RNGTT: variants seen among roughly 807,000 people sequenced by gnomAD.
RNGTT encodes the protein RNA guanylyltransferase and 5'-phosphatase, also known as mRNA-capping enzyme.
In RNGTT, 33 loss-of-function variants were observed where a neutral mutation model predicts 79.3. That is an observed-to-expected ratio of 0.42 (90% CI 0.32 to 0.56). RNGTT has a LOEUF of 0.56. RNGTT is among the 20% of genes least tolerant of loss of function. The pLI is 0.17. For synonymous variants in RNGTT, 222 were observed against 235.9 expected, an observed-to-expected ratio of 0.94 and a Z score of 0.54; for missense variants, 497 against 739.1, an observed-to-expected ratio of 0.67 and a Z score of 3.80.
chr6:88,852,896 C>T (rs1381147444), intron 9 of RNGTT, among the ~76,000 whole-genome samples: 1 of 152,148 alleles, frequency 6.6e-6, no homozygotes, highest in Non-Finnish European at 1.5e-5. Context: ...TCTATATACA[C>T]AATGGTAAAC....
chr6:88,904,877 A>G lies in RNGTT; in HGVS notation c.522T>C (p.Phe174=). 6.2e-7 allele frequency: 1 copy of G among 1,614,122 alleles called. No homozygotes were observed. Among genetic ancestry groups the G allele is most frequent in the Non-Finnish European group, 8.5e-7 (1 of 1,180,022 alleles). The part of the protein sequence containing the change: ...IYKGDYLKEL[F]RRYGDIEEAP... ...CTTCCTCTATGTCACCATACCGACGAAAAAGTTCCTTCAAATAATCACCCT... is the reference window on the plus strand; with the variant it reads ...CTTCCTCTATGTCACCATACCGACGGAAAAGTTCCTTCAAATAATCACCCT... Residue 174 remains phenylalanine, a synonymous_variant, in exon 6 of 16, where the codon TTT becomes TTC. Coordinates refer to ENST00000369485, the MANE Select transcript of RNGTT (RefSeq NM_003800.5).
At chr6:88,677,979 C>CTTT (rs34263662) in intron 14 of RNGTT, 91 of 76,344 alleles carry the variant, frequency 1.2e-3, no homozygotes, top group African/African-American at 2.5e-3. Flanking sequence ...CTCACATTCA[C>CTTT]TTTTTTTTTT....
rs1009695026 is a variant in RNGTT, at chr6:88,772,275, TA to T, written c.1339-2402del. 2.7e-3 allele frequency among the ~76,000 whole-genome samples: 383 copies of T among 142,792 alleles called. 1 individual carries two copies. The highest frequency in any genetic ancestry group is 4.2e-3 in the East Asian group (21 of 5,010). The allele number at this position is 142,792 out of a possible 152,430, so 93.7% of individuals were successfully genotyped here. A position where few individuals can be genotyped will look rare whatever the true frequency, so the allele number is the denominator to read the frequency against. On this transcript the variant is annotated intron_variant, in intron 12 of 15. Coordinates refer to ENST00000369485, the MANE Select transcript of RNGTT (RefSeq NM_003800.5). ...TCTGTATACTGAACACTGATTTCTT[TA>T]AAAAAAAAAAAAGATGGAAAGACAT...
At chr6:88,882,889 AG>A (rs1388803251) in intron 8 of RNGTT, among the ~76,000 whole-genome samples, 1 of 152,216 alleles carries the variant, frequency 6.6e-6, no homozygotes, top group East Asian at 1.9e-4. Context: ...TGAACTTCCT[AG>A]CCTCCAGAAC....
chr6:88,698,937 G>A (rs545541933), intron 13 of RNGTT, among the ~76,000 whole-genome samples: 2 of 152,252 alleles, frequency 1.3e-5, no homozygotes, highest in South Asian at 2.1e-4. Context: ...AGTGCACAGC[G>A]CTGGCAATGT....
At chr6:88,892,011 G>C in intron 6 of RNGTT, 96 bp from the exon 7 acceptor site, 1 of 835,492 alleles carries the variant, frequency 1.2e-6, no homozygotes, top group Non-Finnish European at 1.8e-6. Flanking sequence ...AAATTAGTTT[G>C]TTCTCACAAA....
intron 1 of RNGTT, among the ~76,000 whole-genome samples, chr6:88,951,967 A>G (rs1785264727): frequency 6.6e-6 from 1 of 152,154 alleles, no homozygotes; most frequent in Non-Finnish European, 1.5e-5. Context: ...ATGAGCACAA[A>G]AGCTGCCCAG....
chr6:88,951,423 A>G (rs1785244919), intron 1 of RNGTT, among the ~76,000 whole-genome samples: 1 of 152,216 alleles, frequency 6.6e-6, no homozygotes, highest in Admixed American at 6.5e-5. Context: ...GGCTAAAGAA[A>G]GTTCTACCAT....
intron 4 of RNGTT, among the ~76,000 whole-genome samples, chr6:88,913,283 C>T (rs546012102): frequency 6.7e-6 from 1 of 148,764 alleles, no homozygotes; most frequent in African/African-American, 2.5e-5. Context: ...ACCAGAGATA[C>T]AAAGAAGAGC....
In RNGTT at chr6:88,704,034, C is replaced by T. The variant is rs575503506; in HGVS notation, c.1440-25615G>A. ...CAGCACTTTGGGAGGCTTAGGCGGG[C>T]GGATCACGAGGTCAGGAGATCAAGA... On this transcript the variant is annotated intron_variant, in intron 13 of 15. Transcript: ENST00000369485. Among the ~76,000 whole-genome samples, 9 of 151,902 alleles carry T rather than the reference C, an allele frequency of 5.9e-5. No individual in the cohort carries two copies. The South Asian group carries it at 1.5e-3, about 25-fold the overall frequency.
chr6:88,799,717 A>AAAG (rs1337674611), intron 12 of RNGTT, among the ~76,000 whole-genome samples: 1 of 151,260 alleles, frequency 6.6e-6, no homozygotes, highest in African/African-American at 2.4e-5. Flanking sequence ...AAAAAAAAAA[A>AAAG]AAAAAAGTAT....
chr6:88,880,915 T>C (rs930725250), intron 8 of RNGTT, among the ~76,000 whole-genome samples: 16 of 152,180 alleles, frequency 1.1e-4, no homozygotes, highest in Admixed American at 2.6e-4. Context: ...ATTATAAAAT[T>C]CTATCTTTTC....
chr6:88,730,990 G>T (rs1777094293), intron 13 of RNGTT, among the ~76,000 whole-genome samples: 3 of 152,044 alleles, frequency 2.0e-5, no homozygotes, highest in Admixed American at 1.3e-4. Flanking sequence ...CCTCCTAAAA[G>T]ACTGATATTT....
intron 13 of RNGTT, among the ~76,000 whole-genome samples, chr6:88,720,395 C>T (rs1371441373): frequency 6.6e-6 from 1 of 152,040 alleles, no homozygotes; most frequent in African/African-American, 2.4e-5. Flanking sequence ...TCCCTTTACC[C>T]TCACCTAAAC....
At chr6:88,627,526 G>C (rs892255989) in intron 14 of RNGTT, among the ~76,000 whole-genome samples, 2 of 152,082 alleles carry the variant, frequency 1.3e-5, no homozygotes, top group African/African-American at 4.8e-5. Context: ...ACAGGACAGA[G>C]AGACCTCAAG....
intron 1 of RNGTT, among the ~76,000 whole-genome samples, chr6:88,949,402 C>A (rs1785168742): frequency 6.6e-6 from 1 of 151,696 alleles, no homozygotes; most frequent in Non-Finnish European, 1.5e-5. Flanking sequence ...GCTGGGACTA[C>A]AGGTGAGCAC....
intron 13 of RNGTT, among the ~76,000 whole-genome samples, chr6:88,717,463 A>C (rs1182601949): frequency 6.6e-6 from 1 of 152,212 alleles, no homozygotes; most frequent in Non-Finnish European, 1.5e-5. Flanking sequence ...CTACAGTGTC[A>C]ACTCTTCTTA....
At chr6:88,829,345 A>G (rs183463300) in intron 11 of RNGTT, among the ~76,000 whole-genome samples, 5 of 152,318 alleles carry the variant, frequency 3.3e-5, no homozygotes, top group Admixed American at 6.5e-5. Flanking sequence ...TGTCACCACC[A>G]GGGCTGCCCT....
intron 8 of RNGTT, among the ~76,000 whole-genome samples, chr6:88,883,325 C>T (rs1167213074): frequency 1.3e-5 from 2 of 152,096 alleles, no homozygotes; most frequent in African/African-American, 4.8e-5. Flanking sequence ...TTCCTTTTGA[C>T]CTCAACTCCT....
Sources: allele counts gnomAD v4.1 joint callset (sites outside exome capture counted in the v4.1 genomes callset), GRCh38; gene constraint gnomAD v4.1.1; transcripts MANE v1.5; gene names NCBI Gene and HGNC (gene_info 2026-07-23, HGNC 2026-07-21).